DNAH11: variants seen among roughly 807,000 people sequenced by gnomAD.
DNAH11 encodes axonemal beta dynein heavy chain 11.
In DNAH11, 442 loss-of-function variants were observed where a neutral mutation model predicts 526.0. The ratio of observed to expected loss-of-function variants is 0.84; its 90% CI spans 0.78 to 0.91. The LOEUF (loss-of-function observed/expected upper bound fraction) is 0.91. Ranked by LOEUF, DNAH11 falls within the 40% of genes least tolerant of loss-of-function variation. The pLI is 0.00. For synonymous variants in DNAH11, 2,461 were observed against 1,935.9 expected (o/e 1.27, Z -7.12); for missense variants, 6,989 against 5,448.7 (o/e 1.28, Z -8.90).
At chr7:21,655,081 C>A (rs1405818811) in intron 28 of DNAH11, among the ~76,000 whole-genome samples, 2 of 151,280 alleles carry the variant, frequency 1.3e-5, no homozygotes, top group African/African-American at 4.9e-5. Flanking sequence ...CCCCCACCCC[C>A]AAATTGTCTG....
intron 79 of DNAH11, among the ~76,000 whole-genome samples, chr7:21,897,607 CAA>C (rs1338701368): frequency 8.1e-6 from 1 of 123,208 alleles, no homozygotes; most frequent in African/African-American, 2.8e-5. Flanking sequence ...TAGGAAAACT[CAA>C]ATTTTCTAGA....
intron 64 of DNAH11, 56 bp from the exon 65 acceptor site, chr7:21,818,161 T>C: frequency 6.4e-7 from 1 of 1,554,596 alleles, no homozygotes; most frequent in Non-Finnish European, 8.7e-7. Flanking sequence ...TTAAAAAATT[T>C]TGAACATTTT....
chr7:21,709,955 T>G (rs769898407), intron 40 of DNAH11, among the ~76,000 whole-genome samples: 1 of 152,210 alleles, frequency 6.6e-6, no homozygotes, highest in Non-Finnish European at 1.5e-5. Flanking sequence ...AACTGTTAAA[T>G]ATGTCACATC....
At chr7:21,728,492 CAA>C (rs1241461906) in intron 45 of DNAH11, among the ~76,000 whole-genome samples, 1 of 152,102 alleles carries the variant, frequency 6.6e-6, no homozygotes, top group Admixed American at 6.6e-5. Context: ...CTCCTGACCT[CAA>C]GTGATGCACC....
chr7:21,823,523 T>C (rs1237219138), intron 65 of DNAH11, among the ~76,000 whole-genome samples: 1 of 152,182 alleles, frequency 6.6e-6, no homozygotes, highest in Non-Finnish European at 1.5e-5. Context: ...TAATTTGCCT[T>C]ATTTAATGTC....
chr7:21,695,409 G>A (rs1783807433), intron 35 of DNAH11, among the ~76,000 whole-genome samples: 1 of 152,120 alleles, frequency 6.6e-6, no homozygotes, highest in Non-Finnish European at 1.5e-5. Flanking sequence ...TAGACCAATG[G>A]AACAGAACGG....
chr7:21,649,918 G>A (rs750103900), intron 28 of DNAH11, among the ~76,000 whole-genome samples: 23 of 152,026 alleles, frequency 1.5e-4, no homozygotes, highest in Non-Finnish European at 2.2e-4. Context: ...TGCCTGCATT[G>A]CCTCCCAAAG....
intron 7 of DNAH11, among the ~76,000 whole-genome samples, chr7:21,571,076 A>C (rs1472627526): frequency 6.6e-6 from 1 of 152,118 alleles, no homozygotes; most frequent in Non-Finnish European, 1.5e-5. Flanking sequence ...GAAATACCTA[A>C]TGAAGGGCAG....
intron 35 of DNAH11, among the ~76,000 whole-genome samples, chr7:21,696,575 A>G (rs536126616): frequency 6.6e-5 from 10 of 152,302 alleles, no homozygotes; most frequent in Admixed American, 3.3e-4. Flanking sequence ...TTGTGACCCA[A>G]TTTATCTCAT....
intron 54 of DNAH11, among the ~76,000 whole-genome samples, chr7:21,752,261 C>G (rs1392401295): frequency 6.6e-6 from 1 of 152,208 alleles, no homozygotes; most frequent in East Asian, 1.9e-4. Context: ...GTAGTTACAG[C>G]TTGTGGTAGT....
intron 65 of DNAH11, among the ~76,000 whole-genome samples, chr7:21,834,517 G>T (rs1379813674): frequency 6.6e-6 from 1 of 152,032 alleles, no homozygotes; most frequent in Non-Finnish European, 1.5e-5. Flanking sequence ...GAGAATAAAA[G>T]AAATACAAAA....
chr7:21,685,498 AATT>A (rs1251962161), intron 32 of DNAH11, among the ~76,000 whole-genome samples: 1 of 152,132 alleles, frequency 6.6e-6, no homozygotes, highest in African/African-American at 2.4e-5. Context: ...TCATTCTTTG[AATT>A]ATTTACTAAT....
At chr7:21,767,487 C>T (rs888955332) in intron 55 of DNAH11, among the ~76,000 whole-genome samples, 7 of 152,120 alleles carry the variant, frequency 4.6e-5, no homozygotes, top group Non-Finnish European at 1.0e-4. Context: ...GGACTTGCAT[C>T]GTGTTAAGTC....
Position 21,591,571 on chromosome 7 carries a change from G to A in DNAH11, c.2661G>A (p.Leu887=). ...IQGDGCKIHN[L]VEENRKLFKA... is the part of the protein sequence containing the mutation. ...GAGATGGCTGCAAGATCCACAACTT[G>A]GTCGAGGTAATGGCTTTTAACCTTT... is the stretch of plus-strand genomic sequence containing the variant. Residue 887 remains leucine, a synonymous_variant, in exon 14 of 82, where the codon TTG becomes TTA. Transcript: ENST00000409508. 6.4e-7 allele frequency: 1 copy of A among 1,557,728 alleles called. No homozygotes were observed. The highest frequency in any genetic ancestry group is 8.7e-7 in the Non-Finnish European group (1 of 1,148,688).
At chr7:21,850,173 G>T (rs1359887304) in intron 66 of DNAH11, among the ~76,000 whole-genome samples, 6 of 149,240 alleles carry the variant, frequency 4.0e-5, no homozygotes, top group African/African-American at 1.5e-4. Flanking sequence ...TGGCTAACAC[G>T]GTGAAACCCC....
intron 61 of DNAH11, among the ~76,000 whole-genome samples, chr7:21,799,626 G>A (rs774799850): frequency 9.2e-5 from 14 of 152,100 alleles, no homozygotes; most frequent in African/African-American, 1.4e-4. Flanking sequence ...ATGACCCACC[G>A]CACCCGGCCA....
chr7:21,773,637 T>G, intron 55 of DNAH11, 129 bp from the exon 56 acceptor site: 1 of 700,666 alleles, frequency 1.4e-6, no homozygotes, highest in South Asian at 2.5e-5. Flanking sequence ...ATTAAATAAG[T>G]TTTCGTAGGT....
At chr7:21,605,722 T>C (rs1410800757) in intron 18 of DNAH11, among the ~76,000 whole-genome samples, 2 of 152,202 alleles carry the variant, frequency 1.3e-5, no homozygotes, top group Non-Finnish European at 2.9e-5. Context: ...TTTTTTCACT[T>C]GCTAAATTAC....
chr7:21,755,073 G>A (rs750453393), intron 54 of DNAH11, among the ~76,000 whole-genome samples: 1 of 152,112 alleles, frequency 6.6e-6, no homozygotes, highest in Admixed American at 6.5e-5. Context: ...CTGGCAGGTC[G>A]AGCTAAATGA....
Sources: allele counts gnomAD v4.1 joint callset (sites outside exome capture counted in the v4.1 genomes callset), GRCh38; gene constraint gnomAD v4.1.1; transcripts MANE v1.5; gene names NCBI Gene and HGNC (gene_info 2026-07-23, HGNC 2026-07-21).